Variants in EXOC3L2 observed in about 807,000 individuals in gnomAD.
EXOC3L2 encodes exocyst complex component 3 like 2, also known as exocyst complex component 3-like protein 2.
Under a neutral mutation model 44.4 loss-of-function variants are expected in EXOC3L2, and 17 were observed. That is an observed-to-expected ratio of 0.38 (90% CI 0.26 to 0.57). EXOC3L2 has a LOEUF of 0.57. Ranked by LOEUF, EXOC3L2 falls within the 20% of genes least tolerant of loss-of-function variation. The pLI is 0.65. For synonymous variants in EXOC3L2, 256 were observed against 253.7 expected, an observed-to-expected ratio of 1.01 and a Z score of -0.09; for missense variants, 541 against 588.4, an observed-to-expected ratio of 0.92 and a Z score of 0.83.
At chr19:45,217,094 C>T (rs1402739342) in intron 10 of EXOC3L2, among the ~76,000 whole-genome samples, 1 of 151,778 alleles carries the variant, frequency 6.6e-6, no homozygotes, top group African/African-American at 2.4e-5. Flanking sequence ...AGGATCTCGG[C>T]TCACTGCAAC....
chr19:45,227,920 G>C, intron 6 of EXOC3L2, 54 bp downstream of exon 6: 2 of 1,574,448 alleles, frequency 1.3e-6, no homozygotes, highest in East Asian at 2.3e-5. Flanking sequence ...TTGGATCCCA[G>C]GCCCTGATGC....
chr19:45,238,256 G>A lies in EXOC3L2; in HGVS notation c.523+267C>T, dbSNP rs1297831279. On this transcript the variant is annotated intron_variant, in intron 2 of 11. Transcript: ENST00000413988. This position sits in a 1 kb window ranked among gnomAD's most constrained non-coding sequence, Gnocchi z 5.5. ...TAGACATGGGAGTAGGGCTGAAGAC[G>A]GCAGGTGGAGGAGGCAAAGATTGAG... Among the ~76,000 whole-genome samples, 12 of 152,156 alleles carry A rather than the reference G, an allele frequency of 7.9e-5. No individual in the cohort carries two copies. Among genetic ancestry groups the A allele is most frequent in the Admixed American group, 4.6e-4 (7 of 15,258 alleles).
At chr19:45,231,457 CA>C (rs34610401) in intron 4 of EXOC3L2, among the ~76,000 whole-genome samples, 6,580 of 61,116 alleles carry the variant, frequency 0.11, 67 homozygotes, top group East Asian at 0.25. Context: ...GACCCTGCCT[CA>C]AAAAAAAAAA....
intron 8 of EXOC3L2, among the ~76,000 whole-genome samples, chr19:45,222,383 TAG>T (rs1480035907): frequency 2.0e-5 from 3 of 152,072 alleles, no homozygotes; most frequent in Non-Finnish European, 4.4e-5. Context: ...GTATTTTTAG[TAG>T]AGACGGGGTT....
At chr19:45,230,641 G>A (rs1204401982) in intron 4 of EXOC3L2, among the ~76,000 whole-genome samples, 1 of 152,096 alleles carries the variant, frequency 6.6e-6, no homozygotes, top group Non-Finnish European at 1.5e-5. Flanking sequence ...GAGCCACCGC[G>A]CCCGGCCAAG....
chr19:45,214,440 A>C (rs890353483), intron 11 of EXOC3L2, among the ~76,000 whole-genome samples: 6 of 151,372 alleles, frequency 4.0e-5, no homozygotes, highest in African/African-American at 1.5e-4. Context: ...CTGATCTGGT[A>C]CACTAGTTTT....
intron 8 of EXOC3L2, among the ~76,000 whole-genome samples, chr19:45,222,450 C>T (rs1969908362): frequency 6.6e-6 from 1 of 152,172 alleles, no homozygotes; most frequent in South Asian, 2.1e-4. Flanking sequence ...ATCTGCCTGC[C>T]TTGGCTTCCC....
intron 4 of EXOC3L2, among the ~76,000 whole-genome samples, chr19:45,229,793 C>T (rs749321730): frequency 5.4e-5 from 8 of 149,468 alleles, no homozygotes; most frequent in South Asian, 2.1e-4. Context: ...TGCGGTGAGC[C>T]GAGTTTGTGC....
In EXOC3L2 at chr19:45,234,356, C is replaced by G. The variant is rs1970060895; in HGVS notation, c.994G>C (p.Gly332Arg). ...RLLEDMAVVRGRLAPAYPAGL... is the reference protein window; with the variant it reads ...RLLEDMAVVRRRLAPAYPAGL... ...GCGGGGTAGGCGGGCGCCAGGCGGC[C>G]CCGCACCACGGCCATATCCTCCAGC... Residue 332 changes from glycine to arginine, a missense_variant, in exon 3 of 12, where the codon GGC becomes CGC. Coordinates refer to ENST00000413988, the MANE Select transcript of EXOC3L2 (RefSeq NM_001382422.1). The surrounding 1 kb of genome is among the most constrained non-coding windows in gnomAD (Gnocchi z 5.0). 5 of 353,702 alleles carry G rather than the reference C, an allele frequency of 1.4e-5. No homozygotes were observed. The highest frequency in any genetic ancestry group is 1.5e-5 in the Non-Finnish European group (3 of 197,274). 21.9% of individuals were successfully genotyped at this position (353,702 alleles called of 1,614,324 possible).
intron 1 of EXOC3L2, among the ~76,000 whole-genome samples, chr19:45,245,137 A>C (rs1599770481): frequency 1.3e-5 from 2 of 150,416 alleles, no homozygotes; most frequent in African/African-American, 2.4e-5. Context: ...TCTCCCCTGC[A>C]CCCTCCTCTC....
At chr19:45,221,415 G>C (rs546384327) in intron 8 of EXOC3L2, among the ~76,000 whole-genome samples, 53 of 151,772 alleles carry the variant, frequency 3.5e-4, no homozygotes, top group Admixed American at 1.7e-3. Context: ...GCAGTGGCGC[G>C]ATCTTGGCTC....
rs751663787 is a variant in EXOC3L2, at chr19:45,213,187, C to A, written c.2291G>T (p.Cys764Phe). 5 of 1,605,838 alleles carry A rather than the reference C, an allele frequency of 3.1e-6. No homozygotes were observed. Among genetic ancestry groups the A allele is most frequent in the African/African-American group, 1.3e-5 (1 of 74,600 alleles). ...ADIPVPRPSFCLSLPLFLGRL... is the reference protein window; with the variant it reads ...ADIPVPRPSFFLSLPLFLGRL... Reference sequence around the variant, plus strand: ...GCCCAGGAAGAGAGGGAGGCTGAGACAGAAAGATGGGCGGGGCACAGGGAT... The same window carrying A: ...GCCCAGGAAGAGAGGGAGGCTGAGAAAGAAAGATGGGCGGGGCACAGGGAT... Residue 764 changes from cysteine to phenylalanine, a missense_variant, in exon 12 of 12, where the codon TGT (cysteine) becomes TTT (phenylalanine). Physicochemically the swap from Cys to Phe is radical, Grantham distance 205. Transcript: ENST00000413988.
chr19:45,234,557 G>T lies in EXOC3L2; in HGVS notation c.793C>A (p.Gln265Lys). The T allele has an allele frequency of 3.9e-6, 1 of 256,008 alleles. No homozygotes were observed. The highest frequency in any genetic ancestry group is 7.5e-6 in the Non-Finnish European group (1 of 134,210). 15.9% of individuals were successfully genotyped at this position (256,008 alleles called of 1,614,324 possible). Reference sequence around the variant, plus strand: ...GCCGCCTCCTCCTGTACCAGCACCTGGCCCAGCTGCGCCACCGCGCCAGCC... The same window carrying T: ...GCCGCCTCCTCCTGTACCAGCACCTTGCCCAGCTGCGCCACCGCGCCAGCC... ...AGAGAVAQLG[Q>K]VLVQEEAADG... Residue 265 changes from glutamine to lysine, a missense_variant, in exon 3 of 12, where the codon CAG (glutamine) becomes AAG (lysine). Coordinates refer to ENST00000413988, the MANE Select transcript of EXOC3L2 (RefSeq NM_001382422.1). The surrounding 1 kb of genome is among the most constrained non-coding windows in gnomAD (Gnocchi z 5.0).
Position 45,231,768 on chromosome 19 carries a change from C to T in EXOC3L2, c.1264G>A (p.Val422Ile), listed in dbSNP as rs1163946012. Reference protein sequence around the residue: ...RGLEDECVTDVKAQTRAALLR... With the variant: ...RGLEDECVTDIKAQTRAALLR... ...AAATGCAAAGTTCCAGGTACCTTAA[C>T]ATCTGTGACGCATTCATCCTCCAAA... The change falls in exon 4 of 12, where the codon GTT becomes ATT. Residue 422 changes from valine (V) to isoleucine (I), a missense_variant. Physicochemically the swap from Val to Ile is conservative, Grantham distance 29 (BLOSUM62 3). Transcript: ENST00000413988. 6.2e-7 allele frequency: 1 copy of T among 1,605,898 alleles called. No individual in the cohort carries two copies. Among genetic ancestry groups the T allele is most frequent in the Non-Finnish European group, 8.5e-7 (1 of 1,173,490 alleles).
At chr19:45,215,715 G>A (rs1001427167) in intron 11 of EXOC3L2, among the ~76,000 whole-genome samples, 5 of 152,136 alleles carry the variant, frequency 3.3e-5, no homozygotes, top group Non-Finnish European at 5.9e-5. Flanking sequence ...TGCCGCCTGC[G>A]CCTGCCGCTG....
At chr19:45,237,607 T>A (rs1970095204) in intron 2 of EXOC3L2, among the ~76,000 whole-genome samples, 1 of 151,288 alleles carries the variant, frequency 6.6e-6, no homozygotes, top group African/African-American at 2.4e-5. Flanking sequence ...AAGTGTGGGG[T>A]GAGAACAGAA....
chr19:45,238,318 G>C lies in EXOC3L2; in HGVS notation c.523+205C>G, dbSNP rs569492417. Among the ~76,000 whole-genome samples the C allele has an allele frequency of 6.6e-6, 1 of 152,122 alleles. No homozygotes were observed. The highest frequency in any genetic ancestry group is 6.6e-5 in the Admixed American group (1 of 15,266). ...ATTAACAGGTGGCACTGAAGAGAAA[G>C]GTTGACGACAGGGATTAGGACTGCA... is the stretch of plus-strand genomic sequence containing the variant. On this transcript the variant is annotated intron_variant, in intron 2 of 11. Transcript: ENST00000413988. The surrounding 1 kb of genome is among the most constrained non-coding windows in gnomAD (Gnocchi z 5.5).
At chr19:45,233,813 G>T (rs1486338645) in intron 3 of EXOC3L2, among the ~76,000 whole-genome samples, 1 of 152,104 alleles carries the variant, frequency 6.6e-6, no homozygotes, top group Non-Finnish European at 1.5e-5. Context: ...TTTTAGGAAC[G>T]GAAAAGTAGC....
intron 11 of EXOC3L2, among the ~76,000 whole-genome samples, chr19:45,214,452 TTG>T (rs1020240589): frequency 6.8e-6 from 1 of 147,008 alleles, no homozygotes; most frequent in East Asian, 2.0e-4. Flanking sequence ...ACTAGTTTTT[TTG>T]TGTGTTTGTT....
Sources: allele counts gnomAD v4.1 joint callset (sites outside exome capture counted in the v4.1 genomes callset), GRCh38; gene constraint gnomAD v4.1.1; non-coding constraint Gnocchi (gnomAD v3.1); transcripts MANE v1.5; gene names NCBI Gene and HGNC (gene_info 2026-07-23, HGNC 2026-07-21).